PTPRT: variants seen among roughly 807,000 people sequenced by gnomAD.
PTPRT encodes the protein protein tyrosine phosphatase receptor type T, also known as receptor-type tyrosine-protein phosphatase T.
A neutral mutation model predicts 176.8 loss-of-function variants in PTPRT; 56 were observed. The ratio of observed to expected loss-of-function variants is 0.32; its 90% CI spans 0.26 to 0.40. The LOEUF is 0.40. Ranked by LOEUF, PTPRT falls within the 10% of genes least tolerant of loss-of-function variation. The pLI is 1.00. For missense variants in PTPRT, 1,540 were observed against 1,908.2 expected, an observed-to-expected ratio of 0.81 and a Z score of 3.60; for synonymous variants, 783 against 739.0, an observed-to-expected ratio of 1.06 and a Z score of -0.96.
intron 13 of PTPRT, among the ~76,000 whole-genome samples, chr20:42,277,139 C>T (rs2057053141): frequency 6.6e-6 from 1 of 152,088 alleles, no homozygotes; most frequent in African/African-American, 2.4e-5. Flanking sequence ...TGACACTGGC[C>T]CCTCATCCTA....
rs62204923 is a variant in PTPRT, at chr20:42,476,948, G to A, written c.1154-4386C>T. ...CCCGAACATGTGCAAAATCACAGAT[G>A]GGTCTGGGATAAGAATACACATTTT... On this transcript the variant is annotated intron_variant, in intron 7 of 30. Coordinates refer to ENST00000373187, the MANE Select transcript of PTPRT (RefSeq NM_007050.6). Among the ~76,000 whole-genome samples, 1,207 of 152,288 alleles carry A rather than the reference G, an allele frequency of 7.9e-3. 11 individuals are homozygous for A. The highest frequency in any genetic ancestry group is 0.014 in the Middle Eastern group (4 of 294).
At chr20:42,163,755 G>T (rs991096068) in intron 16 of PTPRT, among the ~76,000 whole-genome samples, 1 of 152,232 alleles carries the variant, frequency 6.6e-6, no homozygotes, top group Non-Finnish European at 1.5e-5. Context: ...AATGTCAGGG[G>T]AGGGCAACAC....
At chr20:42,131,123 G>A (rs6130048) in intron 18 of PTPRT, among the ~76,000 whole-genome samples, 1 of 152,172 alleles carries the variant, frequency 6.6e-6, no homozygotes, top group South Asian at 2.1e-4. Flanking sequence ...TGCTGTCCCA[G>A]AGTCTCAGGC....
chr20:42,196,754 G>A lies in PTPRT; in HGVS notation c.2491+2486C>T, dbSNP rs1426657748. The stretch of plus-strand genomic sequence containing the variant: ...AGTGATTTATCTGGATTGAAAATGG[G>A]AAAAAAAGGACTGGCTTCATGGTTA... On this transcript the variant is annotated intron_variant, in intron 16 of 30. Coordinates refer to ENST00000373187, the MANE Select transcript of PTPRT (RefSeq NM_007050.6). 2.6e-5 allele frequency among the ~76,000 whole-genome samples: 4 copies of A among 152,020 alleles called. No individual in the cohort carries two copies. The East Asian group carries it at 7.7e-4, about 29-fold the overall frequency.
At position 42,887,398 on chromosome 20, in the gene PTPRT, A is replaced by T. The variant is rs151304751; in HGVS notation, c.89-1466T>A. Among the ~76,000 whole-genome samples the T allele has an allele frequency of 4.2e-3, 644 of 152,260 alleles. 6 individuals carry two copies. Among genetic ancestry groups the T allele is most frequent in the African/African-American group, 0.015 (607 of 41,556 alleles). On this transcript the variant is annotated intron_variant, in intron 1 of 30. Transcript: ENST00000373187. ...CCCTCACCAGATGCTGAATCTGCCAATGTCTCGATCTTATACTTCCTAGTC... is the reference window on the plus strand; with the variant it reads ...CCCTCACCAGATGCTGAATCTGCCATTGTCTCGATCTTATACTTCCTAGTC...
In PTPRT at chr20:42,248,794, C is replaced by T. The variant is rs750413337; in HGVS notation, c.2205G>A (p.Val735=). 4.3e-6 allele frequency: 7 copies of T among 1,614,048 alleles called. No individual in the cohort carries two copies. The highest frequency in any genetic ancestry group is 1.3e-5 in the African/African-American group (1 of 75,026). The change falls in exon 14 of 31, where the codon GTG becomes GTA. Residue 735 remains valine (V), a synonymous_variant. Coordinates refer to ENST00000373187, the MANE Select transcript of PTPRT (RefSeq NM_007050.6). Reference sequence around the variant, plus strand: ...TGTTGTCCACCTGCTTCTCTGGCTCCACAGTGTTAGAATTCTGGGTGGAGG... The same window carrying T: ...TGTTGTCCACCTGCTTCTCTGGCTCTACAGTGTTAGAATTCTGGGTGGAGG... ...KGASTQNSNT[V]EPEKQVDNTV...
intron 9 of PTPRT, among the ~76,000 whole-genome samples, chr20:42,401,588 C>T (rs994809595): frequency 6.6e-6 from 1 of 151,978 alleles, no homozygotes; most frequent in African/African-American, 2.4e-5. Context: ...AACAGAGAGC[C>T]GGAGGTGGAT....
intron 2 of PTPRT, among the ~76,000 whole-genome samples, chr20:42,827,857 C>G (rs1027376631): frequency 1.3e-5 from 2 of 152,152 alleles, no homozygotes; most frequent in African/African-American, 4.8e-5. Context: ...TTATAAGTTT[C>G]CTGAGGCATC....
rs2011508263 is a variant in PTPRT at position 43,083,349 on chromosome 20, T to TATAC, written c.88+106296_88+106297insGTAT. 4.3e-5 allele frequency among the ~76,000 whole-genome samples: 5 copies of TATAC among 117,390 alleles called. 1 individual carries two copies. The highest frequency in any genetic ancestry group is 1.0e-4 in the African/African-American group (3 of 28,742). The allele number at this position is 117,390 out of a possible 152,430, so 77.0% of individuals were successfully genotyped here. ...ATATATATATATATATATATATATA[T>TATAC]ATATATATATATATATATATACATT... On this transcript the variant is annotated intron_variant, in intron 1 of 30. Transcript: ENST00000373187.
chr20:43,020,065 T>C (rs1272855667), intron 1 of PTPRT, among the ~76,000 whole-genome samples: 1 of 149,654 alleles, frequency 6.7e-6, no homozygotes, highest in East Asian at 1.9e-4. Flanking sequence ...CTCCTCTCCC[T>C]CTCTTTCTAT....
At chr20:42,157,630 C>T (rs181611126) in intron 17 of PTPRT, among the ~76,000 whole-genome samples, 11 of 152,186 alleles carry the variant, frequency 7.2e-5, no homozygotes, top group East Asian at 1.9e-4. Flanking sequence ...TTCTTCCCCC[C>T]CCAATATTTC....
chr20:42,560,605 T>C (rs947011597), intron 7 of PTPRT, among the ~76,000 whole-genome samples: 1 of 152,202 alleles, frequency 6.6e-6, no homozygotes, highest in East Asian at 1.9e-4. Flanking sequence ...TTTCATTTAA[T>C]TCCCACTGCT....
At chr20:42,208,339 C>G (rs572295592) in intron 15 of PTPRT, among the ~76,000 whole-genome samples, 2 of 151,288 alleles carry the variant, frequency 1.3e-5, no homozygotes, top group Non-Finnish European at 1.5e-5. Context: ...TTAAAAGACA[C>G]AGACTGGCAA....
chr20:42,049,835 G>C, the PTPRT span, among the ~76,000 whole-genome samples: 1 of 152,202 alleles, frequency 6.6e-6, no homozygotes, highest in Non-Finnish European at 1.5e-5. Flanking sequence ...AAAGAACCGA[G>C]ATGGCTCCAA....
intron 17 of PTPRT, among the ~76,000 whole-genome samples, chr20:42,153,426 G>A (rs1025629382): frequency 1.3e-5 from 2 of 152,104 alleles, no homozygotes; most frequent in South Asian, 2.1e-4. Flanking sequence ...AGCAGATTGA[G>A]GACCAGGTTT....
chr20:42,301,573 T>C (rs2057468434), intron 12 of PTPRT, among the ~76,000 whole-genome samples: 2 of 152,138 alleles, frequency 1.3e-5, no homozygotes, highest in African/African-American at 4.8e-5. Flanking sequence ...TGTATTGTAG[T>C]TATGTTGGAA....
intron 15 of PTPRT, among the ~76,000 whole-genome samples, chr20:42,206,761 CG>C (rs1177508113): frequency 2.0e-5 from 3 of 152,242 alleles, no homozygotes; most frequent in African/African-American, 7.2e-5. Flanking sequence ...CCCGGAAGCT[CG>C]AACTGGGTGA....
In PTPRT at chr20:42,296,833, T is replaced by C. The variant is rs573689528; in HGVS notation, c.2140-14308A>G. On this transcript the variant is annotated intron_variant, in intron 12 of 30. Transcript: ENST00000373187. ...AAATAACAGAGTGTAACTGGATTGTTTGTAACTCAAAGGATAAATGCTTGA... is the reference window on the plus strand; with the variant it reads ...AAATAACAGAGTGTAACTGGATTGTCTGTAACTCAAAGGATAAATGCTTGA... Among the ~76,000 whole-genome samples the C allele has an allele frequency of 9.9e-5, 15 of 152,272 alleles. No individual in the cohort carries two copies. The South Asian group carries it at 3.1e-3, about 32-fold the overall frequency.
intron 7 of PTPRT, among the ~76,000 whole-genome samples, chr20:42,676,268 A>G (rs935175939): frequency 6.6e-5 from 10 of 152,176 alleles, no homozygotes; most frequent in African/African-American, 2.4e-4. Context: ...AAGTATGAAT[A>G]TGGCCCCTAG....
Sources: gnomAD v4.1 joint callset for allele counts (sites outside exome capture counted in the v4.1 genomes callset) on GRCh38, gnomAD v4.1.1 for gene constraint, MANE v1.5 for transcripts, NCBI Gene and HGNC (gene_info 2026-07-23, HGNC 2026-07-21) for gene names.